The following ERCC8 variants were observed in gnomAD, a reference collection of about 807,000 sequenced individuals.
ERCC8 encodes ERCC excision repair 8, CSA ubiquitin ligase complex subunit.
Under a neutral mutation model 54.9 loss-of-function variants are expected in ERCC8, and 52 were observed. The ratio of observed to expected loss-of-function variants is 0.95; its 90% CI spans 0.76 to 1.19. ERCC8 has a LOEUF of 1.19. ERCC8 is among the 50% of genes most tolerant of loss of function. The pLI is 0.00. For missense variants in ERCC8, 514 were observed against 466.1 expected (o/e 1.10, Z -0.95); for synonymous variants, 146 against 157.2 (o/e 0.93, Z 0.53).
At chr5:60,935,102 T>C (rs1402124690) in intron 1 of ERCC8, among the ~76,000 whole-genome samples, 1 of 152,196 alleles carries the variant, frequency 6.6e-6, no homozygotes, top group Admixed American at 6.5e-5. Context: ...GGAAGTTGCA[T>C]TGAATTTGTA....
intron 1 of ERCC8, among the ~76,000 whole-genome samples, chr5:60,937,862 A>G (rs1490587090): frequency 2.6e-5 from 4 of 151,874 alleles, no homozygotes; most frequent in African/African-American, 9.7e-5. Flanking sequence ...AGTTCACGAT[A>G]TGCATCTCCA....
intron 1 of ERCC8, among the ~76,000 whole-genome samples, chr5:60,935,919 A>G (rs550951086): frequency 1.3e-5 from 2 of 152,254 alleles, no homozygotes; most frequent in South Asian, 2.1e-4. Flanking sequence ...TATTTTTTAT[A>G]TGCTGCTGGA....
At position 60,874,514 on chromosome 5, in the gene ERCC8, T is replaced by G; in HGVS notation, c.*101A>C. On this transcript the variant is annotated 3_prime_UTR_variant, in exon 12 of 12. Coordinates refer to ENST00000676185, the MANE Select transcript of ERCC8 (RefSeq NM_000082.4). ...ACATGAGGAAAAATATTACCCACAT[T>G]TAGGGCTAATTTAGCTGTCAGGAAT... 1 of 987,048 alleles carries G rather than the reference T, an allele frequency of 1.0e-6. No homozygotes were observed. Among genetic ancestry groups the G allele is most frequent in the Non-Finnish European group, 1.6e-6 (1 of 643,202 alleles). 61.1% of individuals were successfully genotyped at this position (987,048 alleles called of 1,614,324 possible). A position where few individuals can be genotyped will look rare whatever the true frequency, so the allele number is the denominator to read the frequency against.
chr5:60,943,935 TA>T (rs1458408394), intron 1 of ERCC8, among the ~76,000 whole-genome samples: 2 of 152,206 alleles, frequency 1.3e-5, no homozygotes, highest in African/African-American at 4.8e-5. Context: ...ACGTAATGGA[TA>T]AAATGTTGGA....
chr5:60,887,666 T>C (rs1748435937), intron 10 of ERCC8, 146 bp from the exon 11 acceptor site: 1 of 677,536 alleles, frequency 1.5e-6, no homozygotes, highest in Admixed American at 2.4e-5. Context: ...AATGCTGTTT[T>C]TCCTTTGTTT....
At chr5:60,895,455 T>TATGA (rs1212620719) in intron 9 of ERCC8, among the ~76,000 whole-genome samples, 1 of 152,196 alleles carries the variant, frequency 6.6e-6, no homozygotes, top group Non-Finnish European at 1.5e-5. Context: ...TTTTGCCCCT[T>TATGA]ATGAATAATG....
chr5:60,882,638 T>C (rs1259293558), intron 11 of ERCC8, among the ~76,000 whole-genome samples: 2 of 151,482 alleles, frequency 1.3e-5, no homozygotes, highest in African/African-American at 2.4e-5. Context: ...CTGCCAGCCT[T>C]GGCCTCCCAA....
chr5:60,909,051 T>C (rs992826577), intron 4 of ERCC8, among the ~76,000 whole-genome samples: 3 of 151,790 alleles, frequency 2.0e-5, no homozygotes, highest in African/African-American at 2.4e-5. Flanking sequence ...AGCTGGAGAA[T>C]TGAATGCCAG....
At chr5:60,918,450 T>TA in intron 3 of ERCC8, 62 bp from the exon 4 acceptor site, 2 of 1,446,310 alleles carry the variant, frequency 1.4e-6, no homozygotes, top group Non-Finnish European at 1.9e-6. Flanking sequence ...ACTGGTACTA[T>TA]ATTAAGAACA....
intron 7 of ERCC8, among the ~76,000 whole-genome samples, chr5:60,900,139 T>C (rs946398408): frequency 6.6e-6 from 1 of 151,976 alleles, no homozygotes; most frequent in Non-Finnish European, 1.5e-5. Context: ...CAAGAATCCA[T>C]TTGGTATGAT....
chr5:60,889,608 C>T (rs750840622), intron 10 of ERCC8, among the ~76,000 whole-genome samples: 2 of 152,118 alleles, frequency 1.3e-5, no homozygotes, highest in Non-Finnish European at 2.9e-5. Flanking sequence ...GCCATTGTCA[C>T]GATTTTAATC....
intron 4 of ERCC8, chr5:60,907,453 A>G (rs1749110984): frequency 6.6e-6 from 1 of 151,616 alleles, no homozygotes; most frequent in African/African-American, 2.4e-5. Flanking sequence ...CCCGGGTTCA[A>G]GCGATTCTCC....
At chr5:60,876,193 T>A (rs919431767) in intron 11 of ERCC8, among the ~76,000 whole-genome samples, 2 of 152,226 alleles carry the variant, frequency 1.3e-5, no homozygotes, top group Non-Finnish European at 2.9e-5. Flanking sequence ...TCCATGTCCC[T>A]GCAGAGGACA....
chr5:60,897,608 A>C (rs957916759), intron 9 of ERCC8, among the ~76,000 whole-genome samples: 3 of 152,234 alleles, frequency 2.0e-5, no homozygotes, highest in Non-Finnish European at 4.4e-5. Context: ...AACAAGTACT[A>C]GAAATTAATA....
At chr5:60,930,401 A>G (rs1749873748) in intron 1 of ERCC8, among the ~76,000 whole-genome samples, 1 of 152,146 alleles carries the variant, frequency 6.6e-6, no homozygotes, top group African/African-American at 2.4e-5. Context: ...TACTAAAAAT[A>G]CAAAAATTAG....
intron 4 of ERCC8, among the ~76,000 whole-genome samples, chr5:60,905,726 A>G (rs1749051554): frequency 6.6e-6 from 1 of 152,240 alleles, no homozygotes; most frequent in African/African-American, 2.4e-5. Flanking sequence ...AAATCAATTC[A>G]CAAAAACCAT....
rs1029926411 is a variant in ERCC8 at position 60,872,156 on chromosome 5, G to A, written c.*2459C>T. Among the ~76,000 whole-genome samples, 11 of 152,126 alleles carry A rather than the reference G, an allele frequency of 7.2e-5. No homozygotes were observed. The highest frequency in any genetic ancestry group is 2.9e-5 in the Non-Finnish European group (2 of 68,030). On this transcript the variant is annotated 3_prime_UTR_variant, in exon 12 of 12. Coordinates refer to ENST00000676185, the MANE Select transcript of ERCC8 (RefSeq NM_000082.4). ...GCATCCTCACCAAGGGGACAAGATTGAAAGTAGAATGGCCTGGGCTTAATA... is the reference window on the plus strand; with the variant it reads ...GCATCCTCACCAAGGGGACAAGATTAAAAGTAGAATGGCCTGGGCTTAATA...
chr5:60,903,722 A>G lies in ERCC8; in HGVS notation c.482-6T>C. On this transcript the variant is annotated splice_region_variant and splice_polypyrimidine_tract_variant and intron_variant, in intron 5 of 11. Coordinates refer to ENST00000676185, the MANE Select transcript of ERCC8 (RefSeq NM_000082.4). ...TTTGGGTCCTCTAGTACCAACTGTA[A>G]AAACAGAACCGGTTTAAGATAATTT... The G allele has an allele frequency of 6.2e-7, 1 of 1,612,160 alleles. No individual in the cohort carries two copies. The highest frequency in any genetic ancestry group is 8.5e-7 in the Non-Finnish European group (1 of 1,179,018).
chr5:60,938,062 TATATATATATATATATATATATATTTTA>T lies in ERCC8; in HGVS notation c.77+6842_77+6869del, dbSNP rs1472117902. 4.2e-3 allele frequency among the ~76,000 whole-genome samples: 115 copies of T among 27,082 alleles called. 3 individuals carry two copies. The highest frequency in any genetic ancestry group is 0.014 in the Middle Eastern group (1 of 70). The allele number at this position is 27,082 out of a possible 152,430, so 17.8% of individuals were successfully genotyped here. On this transcript the variant is annotated intron_variant, in intron 1 of 11. Coordinates refer to ENST00000676185, the MANE Select transcript of ERCC8 (RefSeq NM_000082.4). ...ATACATACATACATATATATATATA[TATATATATATATATATATATATATTTTA>T]TTTTTTTTTTTTTTAGGTTACGAAG...
Sources: gnomAD v4.1 joint callset for allele counts (sites outside exome capture counted in the v4.1 genomes callset) on GRCh38, gnomAD v4.1.1 for gene constraint, MANE v1.5 for transcripts, NCBI Gene and HGNC (gene_info 2026-07-23, HGNC 2026-07-21) for gene names.